TRERF1: variants seen among roughly 807,000 people sequenced by gnomAD.
TRERF1 encodes the protein transcriptional-regulating factor 1.
In TRERF1, 27 loss-of-function variants were observed where a neutral mutation model predicts 122.9. That is an observed-to-expected ratio of 0.22 (90% CI 0.16 to 0.30). TRERF1 has a LOEUF of 0.30. TRERF1 is among the 10% of genes least tolerant of loss of function. TRERF1 has a pLI of 1.00. For synonymous variants in TRERF1, 636 were observed against 641.7 expected (o/e 0.99, Z 0.13); for missense variants, 1,248 against 1,560.3 (o/e 0.80, Z 3.37).
In TRERF1 at chr6:42,232,325, CT is replaced by C. The variant is rs1770725745; in HGVS notation, c.3278+355del. Among the ~76,000 whole-genome samples the C allele has an allele frequency of 6.6e-6, 1 of 152,196 alleles. No individual in the cohort carries two copies. Among genetic ancestry groups the C allele is most frequent in the African/African-American group, 2.4e-5 (1 of 41,436 alleles). ...CCTGATTAGATGTTGTAGAGCCATT[CT>C]CAAATCATTCAGCGGGGATCCAAAC... On this transcript the variant is annotated intron_variant, in intron 17 of 17. Transcript: ENST00000372922. This position sits in a 1 kb window ranked among gnomAD's most constrained non-coding sequence, Gnocchi z 4.5.
chr6:42,381,092 G>T (rs73733164), intron 2 of TRERF1, among the ~76,000 whole-genome samples: 15,654 of 152,062 alleles, frequency 0.1, 1,319 homozygotes, highest in African/African-American at 0.23. Context: ...ATGAACTGTT[G>T]CACCATCAGA....
chr6:42,262,389 T>C (rs1404648765), intron 8 of TRERF1, among the ~76,000 whole-genome samples: 3 of 142,474 alleles, frequency 2.1e-5, no homozygotes, highest in Non-Finnish European at 3.0e-5. Flanking sequence ...GGGGAGGGGG[T>C]AGGTTTGATA....
intron 3 of TRERF1, among the ~76,000 whole-genome samples, chr6:42,307,913 TG>T (rs1787570798): frequency 6.6e-6 from 1 of 152,190 alleles, no homozygotes; most frequent in African/African-American, 2.4e-5. Context: ...TTGTGAAGAA[TG>T]AAGCTTCCCT....
chr6:42,298,812 C>T (rs893407300), intron 4 of TRERF1, among the ~76,000 whole-genome samples: 4 of 151,952 alleles, frequency 2.6e-5, no homozygotes, highest in Admixed American at 6.6e-5. Flanking sequence ...TGGTAGCAGA[C>T]GCCTGTAGTC....
chr6:42,405,933 A>T (rs1381589005), intron 2 of TRERF1, among the ~76,000 whole-genome samples: 1 of 152,188 alleles, frequency 6.6e-6, no homozygotes, highest in Non-Finnish European at 1.5e-5. Context: ...CTGACCCACC[A>T]TGCAACAAAG....
At chr6:42,330,737 G>T (rs1227373471) in intron 3 of TRERF1, among the ~76,000 whole-genome samples, 1 of 152,124 alleles carries the variant, frequency 6.6e-6, no homozygotes, top group Non-Finnish European at 1.5e-5. Flanking sequence ...CATAATCTTG[G>T]CTTACTGCAG....
intron 2 of TRERF1, among the ~76,000 whole-genome samples, chr6:42,410,907 G>A (rs1436922297): frequency 1.3e-5 from 2 of 152,232 alleles, no homozygotes; most frequent in African/African-American, 2.4e-5. Context: ...AGCAGGGCAT[G>A]GACAAGCCCA....
chr6:42,310,647 G>A (rs776790696), intron 3 of TRERF1, among the ~76,000 whole-genome samples: 22 of 152,158 alleles, frequency 1.4e-4, no homozygotes, highest in Non-Finnish European at 2.6e-4. Context: ...GGTCTAAAAC[G>A]TTAGTAGGAG....
At chr6:42,409,567 C>T (rs1780810273) in intron 2 of TRERF1, among the ~76,000 whole-genome samples, 1 of 152,152 alleles carries the variant, frequency 6.6e-6, no homozygotes, top group African/African-American at 2.4e-5. Context: ...CTTTGGAATG[C>T]TGACCCTTTA....
intron 2 of TRERF1, among the ~76,000 whole-genome samples, chr6:42,414,204 CT>C (rs1781515981): frequency 6.6e-6 from 1 of 152,198 alleles, no homozygotes; most frequent in South Asian, 2.1e-4. Flanking sequence ...AGCATCTGGA[CT>C]TAAAGCATCC....
intron 16 of TRERF1, among the ~76,000 whole-genome samples, chr6:42,234,065 C>T (rs376812959): frequency 6.6e-5 from 10 of 152,206 alleles, no homozygotes; most frequent in African/African-American, 2.2e-4. Context: ...GGATGTTTAG[C>T]AGCATCTCTG....
In TRERF1 at chr6:42,254,700, A is replaced by C. The variant is rs1435930070; in HGVS notation, c.2656+151T>G. Reference sequence around the variant, plus strand: ...AGACAAATGCCAACAGAGCCAAAGCAACAGACATAGCTCTGCCCTAGGAGG... The same window carrying C: ...AGACAAATGCCAACAGAGCCAAAGCCACAGACATAGCTCTGCCCTAGGAGG... On this transcript the variant is annotated intron_variant, in intron 13 of 17. Coordinates refer to ENST00000372922, the Ensembl canonical transcript of TRERF1. The C allele has an allele frequency of 5.6e-6, 4 of 717,664 alleles. No individual in the cohort carries two copies. The African/African-American group carries it at 7.0e-5, about 13-fold the overall frequency. 44.5% of individuals were successfully genotyped at this position (717,664 alleles called of 1,614,324 possible).
intron 2 of TRERF1, among the ~76,000 whole-genome samples, chr6:42,420,844 T>G (rs953087223): frequency 6.6e-6 from 1 of 152,156 alleles, no homozygotes; most frequent in Admixed American, 6.5e-5. Context: ...CCCACTGAGG[T>G]AGAAGAAGGT....
chr6:42,258,293 A>T (rs1777125905), intron 9 of TRERF1, 92 bp from the exon 10 acceptor site: 1 of 1,151,984 alleles, frequency 8.7e-7, no homozygotes, highest in Admixed American at 1.9e-5. Flanking sequence ...CAGCCATAAT[A>T]GAGCTTCTCT....
At chr6:42,426,664 G>A (rs1783674280) in intron 2 of TRERF1, among the ~76,000 whole-genome samples, 1 of 152,280 alleles carries the variant, frequency 6.6e-6, no homozygotes, top group Admixed American at 6.5e-5. Flanking sequence ...GCTAAACCTG[G>A]CCAAACACCT....
intron 9 of TRERF1, among the ~76,000 whole-genome samples, chr6:42,258,705 G>A (rs1266658025): frequency 6.6e-6 from 1 of 152,080 alleles, no homozygotes; most frequent in Non-Finnish European, 1.5e-5. Flanking sequence ...CTCCTGAGTA[G>A]CTGGAACTAC....
At chr6:42,289,812 G>A (rs980308989) in intron 4 of TRERF1, among the ~76,000 whole-genome samples, 2 of 152,186 alleles carry the variant, frequency 1.3e-5, no homozygotes, top group South Asian at 2.1e-4. Flanking sequence ...ATGAGGACAT[G>A]GGGCAACTTA....
chr6:42,439,865 ACTT>A (rs777962999), intron 2 of TRERF1, among the ~76,000 whole-genome samples: 1 of 152,196 alleles, frequency 6.6e-6, no homozygotes, highest in Non-Finnish European at 1.5e-5. Flanking sequence ...TGTCCTGTGA[ACTT>A]CTTCAGAAAT....
In TRERF1 at chr6:42,259,925, T is replaced by C. The variant is rs1298605474; in HGVS notation, c.1885-202A>G. ...TGCTAGACTAGGGAGAAAACTAAGGTTTTGGAAGAAATCCCTAATTTCTGA... is the reference window on the plus strand; with the variant it reads ...TGCTAGACTAGGGAGAAAACTAAGGCTTTGGAAGAAATCCCTAATTTCTGA... On this transcript the variant is annotated intron_variant, in intron 8 of 17. Coordinates refer to ENST00000372922, the Ensembl canonical transcript of TRERF1. The surrounding 1 kb of genome is among the most constrained non-coding windows in gnomAD (Gnocchi z 4.9). Among the ~76,000 whole-genome samples, 1 of 150,330 alleles carries C rather than the reference T, an allele frequency of 6.7e-6. No homozygotes were observed. Among genetic ancestry groups the C allele is most frequent in the East Asian group, 2.0e-4 (1 of 5,118 alleles).
Sources: gnomAD v4.1 joint callset for allele counts (sites outside exome capture counted in the v4.1 genomes callset) on GRCh38, gnomAD v4.1.1 for gene constraint, Gnocchi (gnomAD v3.1) non-coding constraint, MANE v1.5 for transcripts, NCBI Gene and HGNC (gene_info 2026-07-23, HGNC 2026-07-21) for gene names.